The following GPALPP1 variants were observed in gnomAD, a reference collection of about 807,000 sequenced individuals.
GPALPP1 encodes GPALPP motifs-containing protein 1.
GPALPP1 carries 30 observed loss-of-function variants against 38.9 expected under a neutral mutation model. The ratio of observed to expected loss-of-function variants is 0.77; its 90% CI spans 0.58 to 1.05. GPALPP1 has a LOEUF of 1.05. GPALPP1 is among the 50% of genes least tolerant of loss of function. The pLI is 0.00. For synonymous variants in GPALPP1, 120 were observed against 139.2 expected (o/e 0.86, Z 0.97); for missense variants, 384 against 408.8 (o/e 0.94, Z 0.52).
At chr13:45,003,254 T>C (rs991721479) in intron 1 of GPALPP1, among the ~76,000 whole-genome samples, 13 of 152,206 alleles carry the variant, frequency 8.5e-5, no homozygotes, top group African/African-American at 3.1e-4. Flanking sequence ...AGGATTGTTA[T>C]CAGAATTAAA....
Position 45,015,065 on chromosome 13 carries a change from A to G in GPALPP1, c.522A>G (p.Lys174=). The G allele has an allele frequency of 1.9e-6, 3 of 1,598,466 alleles. No individual in the cohort carries two copies. The highest frequency in any genetic ancestry group is 2.6e-6 in the Non-Finnish European group (3 of 1,167,552). Residue 174 remains lysine, a synonymous_variant, in exon 5 of 8, where the codon AAA becomes AAG. Coordinates refer to ENST00000379151, the MANE Select transcript of GPALPP1 (RefSeq NM_018559.5). ...AAAGGGCCCAGAGAATGAAAGAAAA[A>G]CTGACCAAAGGAGATGATGTAAGTT... ...FEKRAQRMKE[K]LTKGDDDSSK...
At chr13:45,007,482 T>C (rs1874180799) in intron 3 of GPALPP1, among the ~76,000 whole-genome samples, 1 of 152,212 alleles carries the variant, frequency 6.6e-6, no homozygotes, top group Admixed American at 6.5e-5. Flanking sequence ...TAAGCTATAA[T>C]TGCATTTGTA....
intron 7 of GPALPP1, among the ~76,000 whole-genome samples, chr13:45,025,695 G>A (rs1875780438): frequency 6.6e-6 from 1 of 151,958 alleles, no homozygotes; most frequent in Non-Finnish European, 1.5e-5. Flanking sequence ...GAAAGCAGCA[G>A]GACCATCATT....
chr13:45,026,336 A>C (rs1875832478), intron 7 of GPALPP1, among the ~76,000 whole-genome samples: 1 of 152,234 alleles, frequency 6.6e-6, no homozygotes, highest in Admixed American at 6.5e-5. Context: ...CTCCAGATTG[A>C]GTTCAGTTAA....
downstream of GPALPP1, chr13:45,030,652 G>A (rs1447960021): frequency 1.3e-5 from 2 of 151,966 alleles, no homozygotes; most frequent in African/African-American, 4.8e-5. Flanking sequence ...CCAAAATGCT[G>A]GGATTACAGG....
exon 8 of GPALPP1, chr13:45,037,140 G>A (rs1876418237): frequency 6.6e-6 from 1 of 152,092 alleles, no homozygotes; most frequent in African/African-American, 2.4e-5. Context: ...GCCCTTTAAA[G>A]CACTTCCATT....
downstream of GPALPP1, among the ~76,000 whole-genome samples, chr13:45,032,727 G>T (rs974389382): frequency 6.9e-6 from 1 of 145,054 alleles, no homozygotes; most frequent in South Asian, 2.5e-4. Flanking sequence ...TTGTATTAAC[G>T]ATTTATTTAG....
At chr13:45,027,122 T>C (rs1200343998) in intron 7 of GPALPP1, among the ~76,000 whole-genome samples, 1 of 152,196 alleles carries the variant, frequency 6.6e-6, no homozygotes, top group Non-Finnish European at 1.5e-5. Context: ...CTGTACTACC[T>C]GCATCTCCTT....
Position 45,028,678 on chromosome 13 carries a change from C to G in GPALPP1, c.*675C>G, listed in dbSNP as rs1452285472. 1 of 152,262 alleles carries G rather than the reference C, an allele frequency of 6.6e-6. No homozygotes were observed. Among genetic ancestry groups the G allele is most frequent in the Non-Finnish European group, 1.5e-5 (1 of 68,226 alleles). The allele number at this position is 152,262 out of a possible 1,614,324, so 9.4% of individuals were successfully genotyped here. On this transcript the variant is annotated 3_prime_UTR_variant, in exon 8 of 8. Coordinates refer to ENST00000379151, the MANE Select transcript of GPALPP1 (RefSeq NM_018559.5). ...GGCTGAGGTGGGAGGATCCCTTGAG[C>G]CCAGGAATTCAAGGCAGCAGTGAGC...
chr13:44,991,445 CAA>C (rs1234315024), intron 1 of GPALPP1, among the ~76,000 whole-genome samples: 2 of 127,146 alleles, frequency 1.6e-5, no homozygotes, highest in Admixed American at 8.0e-5. Flanking sequence ...GACTCTGTCT[CAA>C]AAAAAAAAAA....
At chr13:45,031,379 T>C (rs1876189012), downstream of GPALPP1, 1 of 152,240 alleles carries the variant, frequency 6.6e-6, no homozygotes, top group Non-Finnish European at 1.5e-5. Context: ...TTGTAGCTCC[T>C]CTTCCTTATG....
intron 1 of GPALPP1, among the ~76,000 whole-genome samples, chr13:44,993,208 G>A (rs1185854664): frequency 6.6e-6 from 1 of 152,082 alleles, no homozygotes; most frequent in African/African-American, 2.4e-5. Context: ...CTGGACCCTT[G>A]GGTTGCTATG....
At chr13:44,992,762 A>C (rs566225571) in intron 1 of GPALPP1, among the ~76,000 whole-genome samples, 1 of 152,190 alleles carries the variant, frequency 6.6e-6, no homozygotes, top group Non-Finnish European at 1.5e-5. Flanking sequence ...ATATATATGC[A>C]TCTAGTTTTT....
intron 6 of GPALPP1, 133 bp downstream of exon 6, chr13:45,015,729 C>G: frequency 1.8e-6 from 1 of 543,908 alleles, no homozygotes; most frequent in Non-Finnish European, 2.9e-6. Flanking sequence ...GGATTTTCCT[C>G]TGGAGGAAGA....
At chr13:45,015,740 G>A in intron 6 of GPALPP1, 144 bp downstream of exon 6, 1 of 502,768 alleles carries the variant, frequency 2.0e-6, no homozygotes, top group Non-Finnish European at 3.3e-6. Context: ...TGGAGGAAGA[G>A]TATGAGGAAG....
intron 5 of GPALPP1, 92 bp from the exon 6 acceptor site, chr13:45,015,340 C>A: frequency 1.4e-6 from 1 of 738,196 alleles, no homozygotes; most frequent in Non-Finnish European, 2.1e-6. Context: ...TTTAAAACTT[C>A]AATTGCATGA....
At chr13:44,992,505 A>G (rs1050144375) in intron 1 of GPALPP1, among the ~76,000 whole-genome samples, 4 of 152,168 alleles carry the variant, frequency 2.6e-5, no homozygotes, top group Non-Finnish European at 5.9e-5. Context: ...CTTTTATGGT[A>G]GAATTTTTTG....
chr13:45,009,082 C>T, intron 4 of GPALPP1: 1 of 655,726 alleles, frequency 1.5e-6, no homozygotes, highest in Non-Finnish European at 2.8e-6. Context: ...ACCTGAGATT[C>T]TGTTAGGAAA....
In GPALPP1 at chr13:45,015,069, A is replaced by G. The variant is rs371089645; in HGVS notation, c.526A>G (p.Thr176Ala). 1.9e-6 allele frequency: 3 copies of G among 1,599,920 alleles called. No individual in the cohort carries two copies. Among genetic ancestry groups the G allele is most frequent in the Non-Finnish European group, 2.6e-6 (3 of 1,170,652 alleles). The change falls in exon 5 of 8, where the codon ACC becomes GCC. Residue 176 changes from threonine (T) to alanine (A), a missense_variant. Transcript: ENST00000379151. The stretch of plus-strand genomic sequence containing the variant: ...GGCCCAGAGAATGAAAGAAAAACTG[A>G]CCAAAGGAGATGATGTAAGTTTTAA... ...KRAQRMKEKL[T>A]KGDDDSSKPI... is the part of the protein sequence containing the mutation.
Sources: gnomAD v4.1 joint callset for allele counts (sites outside exome capture counted in the v4.1 genomes callset) on GRCh38, gnomAD v4.1.1 for gene constraint, MANE v1.5 for transcripts, NCBI Gene and HGNC (gene_info 2026-07-23, HGNC 2026-07-21) for gene names.